The following MGST1 variants were observed in gnomAD, a reference collection of about 807,000 sequenced individuals.
The protein encoded by MGST1 is microsomal glutathione S-transferase 1.
MGST1 carries 5 observed loss-of-function variants against 8.9 expected under a neutral mutation model. The observed-to-expected ratio is 0.56, with a 90% CI of 0.29 to 1.19. The LOEUF (loss-of-function observed/expected upper bound fraction) is 1.19, where lower values mean the gene tolerates loss of function less well. Ranked by LOEUF, MGST1 falls within the 50% of genes most tolerant of loss-of-function variation. The probability of loss-of-function intolerance (pLI) is 0.08; values close to 1 mark genes in which losing one functional copy is unlikely to be tolerated. For missense variants in MGST1, 182 were observed against 187.4 expected (o/e 0.97, Z 0.17); for synonymous variants, 54 against 67.8 (o/e 0.80, Z 1.00).
intron 3 of MGST1, among the ~76,000 whole-genome samples, chr12:16,360,980 T>TCCCCCCC (rs4149217): frequency 1.4e-5 from 2 of 144,122 alleles, no homozygotes; most frequent in African/African-American, 2.6e-5. Flanking sequence ...TTTATAGTGT[T>TCCCCCCC]CCCCCCCTCC....
chr12:16,590,515 C>T (rs754427896), downstream of MGST1, among the ~76,000 whole-genome samples: 10 of 151,746 alleles, frequency 6.6e-5, no homozygotes, highest in Non-Finnish European at 1.5e-4. Flanking sequence ...GAATATCACC[C>T]CTCAGACCTA....
intron 1 of MGST1, among the ~76,000 whole-genome samples, chr12:16,406,421 A>G (rs1431803975): frequency 1.3e-5 from 2 of 152,236 alleles, no homozygotes; most frequent in Non-Finnish European, 1.5e-5. Flanking sequence ...GATGACGCAA[A>G]CAAATGGAAA....
rs1290124311 is a variant in MGST1 at position 16,413,029 on chromosome 12, A to T, written n.779-24359A>T. Among the ~76,000 whole-genome samples, 1 of 152,190 alleles carries T rather than the reference A, an allele frequency of 6.6e-6. No individual in the cohort carries two copies. Among genetic ancestry groups the T allele is most frequent in the Non-Finnish European group, 1.5e-5 (1 of 68,042 alleles). Reference sequence around the variant, plus strand: ...ATAATAAGCCAGAAAGAGAGTAGGGAACTCCTCAGTCCACCCCACCTGTCC... The same window carrying T: ...ATAATAAGCCAGAAAGAGAGTAGGGTACTCCTCAGTCCACCCCACCTGTCC... On this transcript the variant is annotated intron_variant and non_coding_transcript_variant, in intron 1 of 1. Transcript: ENST00000359720. The surrounding 1 kb of genome is among the most constrained non-coding windows in gnomAD (Gnocchi z 4.0).
In MGST1 at chr12:16,396,439, A is replaced by C. The variant is rs568894468; in HGVS notation, n.778+12835A>C. On this transcript the variant is annotated intron_variant and non_coding_transcript_variant, in intron 1 of 1. Coordinates refer to the MGST1 transcript ENST00000359720. ...TATTACTGGAAGTCTTAGTCAGAACAATGAGACAAGAGAAAGAAATAAAGG... is the reference window on the plus strand; with the variant it reads ...TATTACTGGAAGTCTTAGTCAGAACCATGAGACAAGAGAAAGAAATAAAGG... Among the ~76,000 whole-genome samples, 10 of 152,312 alleles carry C rather than the reference A, an allele frequency of 6.6e-5. No individual in the cohort carries two copies. In the South Asian group the frequency reaches 1.7e-3, roughly 25 times the overall value.
intron 1 of MGST1, among the ~76,000 whole-genome samples, chr12:16,435,529 T>C (rs1048275917): frequency 6.6e-6 from 1 of 151,998 alleles, no homozygotes; most frequent in Admixed American, 6.6e-5. Context: ...GAAAACACTT[T>C]CATCAAATAA....
chr12:16,347,470 G>A (rs988227135), upstream of MGST1, among the ~76,000 whole-genome samples: 2 of 152,098 alleles, frequency 1.3e-5, no homozygotes, highest in Admixed American at 6.5e-5. The surrounding 1 kb of genome is among the most constrained non-coding windows in gnomAD (Gnocchi z 4.0). Context: ...TTCTAAGGGC[G>A]CCAAATAGAA....
chr12:16,384,035 CA>C (rs1357225236), intron 1 of MGST1, among the ~76,000 whole-genome samples: 3 of 151,994 alleles, frequency 2.0e-5, no homozygotes, highest in Admixed American at 1.3e-4. Flanking sequence ...ACAGGTGCAA[CA>C]GGGGGAATTC....
chr12:16,425,059 C>G (rs981303892), intron 1 of MGST1, among the ~76,000 whole-genome samples: 2 of 152,162 alleles, frequency 1.3e-5, no homozygotes, highest in Non-Finnish European at 2.9e-5. Context: ...CCTAACACCT[C>G]TTGCCCTAAC....
At chr12:16,519,307 T>C (rs191040937) in intron 4 of MGST1, among the ~76,000 whole-genome samples, 1 of 152,336 alleles carries the variant, frequency 6.6e-6, no homozygotes, top group Non-Finnish European at 1.5e-5. Flanking sequence ...TATGTTGGTA[T>C]TGTGTTTTTG....
rs1941591819 is a variant in MGST1 at position 16,513,668 on chromosome 12, A to G, written n.483-75860A>G. 7.7e-6 allele frequency: 4 copies of G among 516,748 alleles called. No individual in the cohort carries two copies. The highest frequency in any genetic ancestry group is 4.5e-5 in the South Asian group (3 of 66,500). The allele number at this position is 516,748 out of a possible 1,614,324, so 32.0% of individuals were successfully genotyped here. A position where few individuals can be genotyped will look rare whatever the true frequency, so the allele number is the denominator to read the frequency against. On this transcript the variant is annotated intron_variant and non_coding_transcript_variant, in intron 4 of 4. Transcript: ENST00000538857. This position sits in a 1 kb window ranked among gnomAD's most constrained non-coding sequence, Gnocchi z 4.2. ...GCAGCCAAAAATTTGGACGAGGACT[A>G]CCTCTCCATTGGGCGGCTGGCTGAA...
chr12:16,587,815 A>G lies in MGST1; in HGVS notation n.483-1713A>G, dbSNP rs1943368296. ...CACTGTGTCCTGAATGGGGGGTTTC[A>G]GGGGGAGGGAGAGGAACCTTGTCTC... On this transcript the variant is annotated intron_variant and non_coding_transcript_variant, in intron 4 of 4. Transcript: ENST00000538857. This position sits in a 1 kb window ranked among gnomAD's most constrained non-coding sequence, Gnocchi z 4.3. Among the ~76,000 whole-genome samples, 1 of 151,994 alleles carries G rather than the reference A, an allele frequency of 6.6e-6. No homozygotes were observed. The highest frequency in any genetic ancestry group is 1.5e-5 in the Non-Finnish European group (1 of 67,944).
chr12:16,515,360 A>G (rs1035248953), intron 4 of MGST1, among the ~76,000 whole-genome samples: 1 of 152,166 alleles, frequency 6.6e-6, no homozygotes, highest in African/African-American at 2.4e-5. Context: ...GATTTATTTA[A>G]AAATAAAGAG....
chr12:16,560,552 CA>C lies in MGST1; in HGVS notation n.483-28975del, dbSNP rs1172364709. ...ACACCAAAGAGCCTAGAATAAGAAA[CA>C]TTTTTTTTTTTTTACAAACTCTTAC... On this transcript the variant is annotated intron_variant and non_coding_transcript_variant, in intron 4 of 4. Coordinates refer to the MGST1 transcript ENST00000538857. The surrounding 1 kb of genome is among the most constrained non-coding windows in gnomAD (Gnocchi z 5.0). 6.4e-7 allele frequency: 1 copy of C among 1,551,108 alleles called. No homozygotes were observed. The highest frequency in any genetic ancestry group is 8.7e-7 in the Non-Finnish European group (1 of 1,149,248).
At chr12:16,476,299 C>T (rs1256793408) in intron 4 of MGST1, among the ~76,000 whole-genome samples, 2 of 152,102 alleles carry the variant, frequency 1.3e-5, no homozygotes, top group African/African-American at 4.8e-5. Context: ...CTTTATTTAC[C>T]ACCAACTAAA....
chr12:16,575,102 T>C (rs1305773579), intron 4 of MGST1, among the ~76,000 whole-genome samples: 1 of 152,208 alleles, frequency 6.6e-6, no homozygotes, highest in African/African-American at 2.4e-5. Flanking sequence ...TCTACAGTAT[T>C]ATGTAACCTG....
chr12:16,474,866 C>T (rs575199716), intron 4 of MGST1, among the ~76,000 whole-genome samples: 3 of 152,272 alleles, frequency 2.0e-5, no homozygotes, highest in Admixed American at 1.3e-4. Flanking sequence ...ATTCATTTTA[C>T]ATGAAAGCTG....
At chr12:16,394,868 A>G (rs1940591454) in intron 1 of MGST1, among the ~76,000 whole-genome samples, 1 of 152,056 alleles carries the variant, frequency 6.6e-6, no homozygotes, top group South Asian at 2.1e-4. Flanking sequence ...CAGTGCTGGG[A>G]TTACAGGTGT....
In MGST1 at chr12:16,482,648, A is replaced by C. The variant is rs1941372086; in HGVS notation, n.482+99044A>C. ...TCTGTCTGGAAGAAAAAAAAAAAAG[A>C]GTGAGAACATGTAAAAATGCAAGAA... On this transcript the variant is annotated intron_variant and non_coding_transcript_variant, in intron 4 of 4. Transcript: ENST00000538857. The surrounding 1 kb of genome is among the most constrained non-coding windows in gnomAD (Gnocchi z 4.2). 6.8e-6 allele frequency among the ~76,000 whole-genome samples: 1 copy of C among 147,698 alleles called. No individual in the cohort carries two copies. Among genetic ancestry groups the C allele is most frequent in the South Asian group, 2.2e-4 (1 of 4,574 alleles).
chr12:16,483,788 A>G (rs540725720), intron 4 of MGST1, among the ~76,000 whole-genome samples: 118 of 152,318 alleles, frequency 7.7e-4, no homozygotes, highest in Non-Finnish European at 1.4e-3. Context: ...CTTCTTTCAT[A>G]AAAATTAGTA....
Sources: gnomAD v4.1 joint callset for allele counts (sites outside exome capture counted in the v4.1 genomes callset) on GRCh38, gnomAD v4.1.1 for gene constraint, Gnocchi (gnomAD v3.1) non-coding constraint, MANE v1.5 for transcripts, NCBI Gene and HGNC (gene_info 2026-07-23, HGNC 2026-07-21) for gene names.